Variants in MAP2 observed in about 807,000 individuals in gnomAD.
MAP2 encodes microtubule associated protein 2, also known as microtubule-associated protein 2.
MAP2 carries 14 observed loss-of-function variants against 137.6 expected under a neutral mutation model. That is an observed-to-expected ratio of 0.10 (90% CI 0.07 to 0.16). The LOEUF (loss-of-function observed/expected upper bound fraction) is 0.16, where lower values mean the gene tolerates loss of function less well. Among genes scored for constraint, MAP2 ranks in the 10% least tolerant of loss-of-function variants. MAP2 has a pLI of 1.00. For synonymous variants in MAP2, 786 were observed against 782.3 expected (o/e 1.00, Z -0.08); for missense variants, 2,088 against 2,191.5 (o/e 0.95, Z 0.94).
chr2:209,704,245 A>C lies in MAP2; in HGVS notation c.4585-1335A>C, dbSNP rs1328658032. 2.0e-5 allele frequency among the ~76,000 whole-genome samples: 3 copies of C among 152,148 alleles called. No individual in the cohort carries two copies. In the East Asian group the frequency reaches 5.8e-4, roughly 29 times the overall value. ...TTTTCTTAGACATTTTTCTATGACT[A>C]TTATTAAGTTAGTTTTGGCTAAAAA... On this transcript the variant is annotated intron_variant, in intron 11 of 15. Coordinates refer to ENST00000682079, the MANE Select transcript of MAP2 (RefSeq NM_001375505.1).
chr2:209,443,696 C>T (rs1698378549), intron 1 of MAP2, among the ~76,000 whole-genome samples: 1 of 151,586 alleles, frequency 6.6e-6, no homozygotes, highest in African/African-American at 2.4e-5. Context: ...TGAGAGTTAA[C>T]TGATGGAGAG....
intron 1 of MAP2, among the ~76,000 whole-genome samples, chr2:209,483,377 T>C (rs180864855): frequency 6.6e-6 from 1 of 152,342 alleles, no homozygotes; most frequent in East Asian, 1.9e-4. Flanking sequence ...AAAAGGTATT[T>C]AGCCTGGGCA....
intron 1 of MAP2, among the ~76,000 whole-genome samples, chr2:209,497,771 A>C (rs950981231): frequency 2.6e-5 from 4 of 152,080 alleles, no homozygotes; most frequent in African/African-American, 7.2e-5. Context: ...ACCAGATCTC[A>C]TGAAAACTCA....
chr2:209,631,748 T>C (rs984122419), intron 4 of MAP2, among the ~76,000 whole-genome samples: 4 of 152,188 alleles, frequency 2.6e-5, no homozygotes, highest in East Asian at 1.9e-4. Context: ...AAGATCTTTC[T>C]ATTTACTCAT....
At chr2:209,508,403 T>C (rs2061332537) in intron 2 of MAP2, among the ~76,000 whole-genome samples, 1 of 152,074 alleles carries the variant, frequency 6.6e-6, no homozygotes, top group South Asian at 2.1e-4. Flanking sequence ...AAGGAAAACA[T>C]TGGCTTTTCA....
Position 209,694,423 on chromosome 2 carries a change from T to A in MAP2, c.2253T>A (p.Pro751=), listed in dbSNP as rs1485500558. ...ATGATTACCTTCCAGCCACCACACC[T>A]GCACTGGAGAAAGCCCCTTGCTTCC... is the stretch of plus-strand genomic sequence containing the variant. ...EGDDYLPATT[P]ALEKAPCFPV... The change falls in exon 8 of 16, where the codon CCT becomes CCA. Residue 751 remains proline (P), a synonymous_variant. Coordinates refer to ENST00000682079, the MANE Select transcript of MAP2 (RefSeq NM_001375505.1). 1.2e-6 allele frequency: 2 copies of A among 1,614,006 alleles called. No individual in the cohort carries two copies. The highest frequency in any genetic ancestry group is 1.7e-6 in the Non-Finnish European group (2 of 1,179,974).
chr2:209,653,248 A>G lies in MAP2; in HGVS notation c.78A>G (p.Ser26=), dbSNP rs1488770053. 3.1e-6 allele frequency: 5 copies of G among 1,614,130 alleles called. No homozygotes were observed. The highest frequency in any genetic ancestry group is 4.5e-5 in the East Asian group (2 of 44,882). Residue 26 remains serine, a synonymous_variant, in exon 5 of 16, where the codon TCA becomes TCG. Coordinates refer to ENST00000682079, the MANE Select transcript of MAP2 (RefSeq NM_001375505.1). ...CGCTAACAGAGGCATCTGCACACTC[A>G]CATCCACCTGAGATTAAGGATCAAG... is the stretch of plus-strand genomic sequence containing the variant. ...SAPLTEASAH[S]HPPEIKDQGG... is the part of the protein sequence containing the mutation.
At chr2:209,615,359 C>CA (rs2088849029) in intron 3 of MAP2, among the ~76,000 whole-genome samples, 1 of 152,124 alleles carries the variant, frequency 6.6e-6, no homozygotes, top group South Asian at 2.1e-4. Context: ...AAGAACCTTA[C>CA]AAAAGGCTTT....
intron 13 of MAP2, among the ~76,000 whole-genome samples, chr2:209,716,991 GGT>G (rs145549843): frequency 0.072 from 10,930 of 152,010 alleles, 741 homozygotes; most frequent in African/African-American, 0.18. Flanking sequence ...ATAGAAGAAA[GGT>G]GTCATAAGGG....
chr2:209,730,128 T>C (rs2075561948), intron 15 of MAP2, 54 bp from the exon 16 acceptor site: 1 of 1,422,350 alleles, frequency 7.0e-7, no homozygotes, highest in African/African-American at 1.4e-5. Flanking sequence ...GAGAAAGAGG[T>C]AGGGGCCAGT....
At chr2:209,608,033 C>G (rs1212815398) in intron 3 of MAP2, among the ~76,000 whole-genome samples, 2 of 152,176 alleles carry the variant, frequency 1.3e-5, no homozygotes, top group African/African-American at 4.8e-5. Context: ...CTGTGATCAT[C>G]TTATTTTAAA....
At chr2:209,631,458 C>T (rs2093039890) in intron 4 of MAP2, among the ~76,000 whole-genome samples, 1 of 152,052 alleles carries the variant, frequency 6.6e-6, no homozygotes, top group African/African-American at 2.4e-5. Flanking sequence ...TGCAGGCAGA[C>T]CCTTCAGCTA....
At chr2:209,468,965 A>T (rs1351504727) in intron 1 of MAP2, among the ~76,000 whole-genome samples, 1 of 152,166 alleles carries the variant, frequency 6.6e-6, no homozygotes, top group Non-Finnish European at 1.5e-5. Flanking sequence ...CCAGGATAAC[A>T]TCCAAGATGA....
At chr2:209,515,641 CAT>C (rs2062383354) in intron 2 of MAP2, among the ~76,000 whole-genome samples, 1 of 152,058 alleles carries the variant, frequency 6.6e-6, no homozygotes, top group African/African-American at 2.4e-5. Context: ...CCTCCCCTGA[CAT>C]GTGGAGATTA....
rs528722435 is a variant in MAP2, at chr2:209,641,961, C to T, written c.-29-11181C>T. Among the ~76,000 whole-genome samples the T allele has an allele frequency of 8.2e-3, 1,252 of 152,216 alleles. 15 individuals carry two copies. The highest frequency in any genetic ancestry group is 0.028 in the African/African-American group (1,170 of 41,528). On this transcript the variant is annotated intron_variant, in intron 4 of 15. Transcript: ENST00000682079. ...TCTGGAGTGGATTCTCTTTTTAGCT[C>T]TAACCCTATTCCACCAGTCTCACTG...
rs1695916255 is a variant in MAP2, at chr2:209,435,958, G to GTATATATTATATATAATATATACAA, written c.-222+11706_-222+11707insATATATATTATATATAATATATACA. On this transcript the variant is annotated intron_variant, in intron 1 of 15. Transcript: ENST00000682079. ...ATATATAATATATACTATATATACA[G>GTATATATTATATATAATATATACAA]TATATATTATATATAATATATACAG... 3.7e-5 allele frequency among the ~76,000 whole-genome samples: 5 copies of GTATATATTATATATAATATATACAA among 136,288 alleles called. 2 individuals are homozygous for GTATATATTATATATAATATATACAA. Among genetic ancestry groups the GTATATATTATATATAATATATACAA allele is most frequent in the Admixed American group, 8.0e-5 (1 of 12,572 alleles). The allele number at this position is 136,288 out of a possible 152,430, so 89.4% of individuals were successfully genotyped here. A position where few individuals can be genotyped will look rare whatever the true frequency, so the allele number is the denominator to read the frequency against.
intron 2 of MAP2, among the ~76,000 whole-genome samples, chr2:209,562,193 A>C (rs1421663823): frequency 3.9e-5 from 6 of 152,182 alleles, no homozygotes; most frequent in Non-Finnish European, 8.8e-5. Flanking sequence ...AGTGTGCTTT[A>C]ACTCTAAAGC....
At chr2:209,434,140 A>G (rs1695072140) in intron 1 of MAP2, among the ~76,000 whole-genome samples, 2 of 152,056 alleles carry the variant, frequency 1.3e-5, no homozygotes, top group Non-Finnish European at 1.5e-5. Context: ...CTTTATGCAT[A>G]TATTGCTTAT....
intron 4 of MAP2, among the ~76,000 whole-genome samples, chr2:209,647,713 TGATC>T (rs1280697022): frequency 6.6e-6 from 1 of 152,148 alleles, no homozygotes; most frequent in Non-Finnish European, 1.5e-5. Flanking sequence ...AGTGCAGCAG[TGATC>T]AGTGGTCAGA....
Sources: gnomAD v4.1 joint callset for allele counts (sites outside exome capture counted in the v4.1 genomes callset) on GRCh38, gnomAD v4.1.1 for gene constraint, MANE v1.5 for transcripts, NCBI Gene and HGNC (gene_info 2026-07-23, HGNC 2026-07-21) for gene names.